The following PLCL2 variants were observed in gnomAD, a reference collection of about 807,000 sequenced individuals.
The protein encoded by PLCL2 is inactive phospholipase C-like protein 2.
A neutral mutation model predicts 79.6 loss-of-function variants in PLCL2; 4 were observed. That is an observed-to-expected ratio of 0.05 (90% CI 0.02 to 0.11). The LOEUF (loss-of-function observed/expected upper bound fraction) is 0.11, where lower values mean the gene tolerates loss of function less well. Among genes scored for constraint, PLCL2 ranks in the 10% least tolerant of loss-of-function variants. The probability of loss-of-function intolerance (pLI) is 1.00; values close to 1 mark genes in which losing one functional copy is unlikely to be tolerated. For synonymous variants in PLCL2, 484 were observed against 457.7 expected (o/e 1.06, Z -0.73); for missense variants, 895 against 1,291.0 (o/e 0.69, Z 4.70).
At chr3:16,948,454 A>T (rs116472909) in intron 1 of PLCL2, among the ~76,000 whole-genome samples, 3,180 of 152,186 alleles carry the variant, frequency 0.021, 55 homozygotes, top group South Asian at 0.044. Context: ...TATGGTGATG[A>T]TTGCAGAACT....
intron 3 of PLCL2, among the ~76,000 whole-genome samples, chr3:17,033,064 A>G (rs2064602186): frequency 6.6e-6 from 1 of 152,212 alleles, no homozygotes; most frequent in African/African-American, 2.4e-5. Context: ...TCTGAAATGT[A>G]GTACATAAGA....
chr3:17,036,931 C>T (rs1309313956), intron 3 of PLCL2, among the ~76,000 whole-genome samples: 1 of 152,114 alleles, frequency 6.6e-6, no homozygotes, highest in East Asian at 1.9e-4. Flanking sequence ...TTATAAGGAC[C>T]TTAATCCCAT....
intron 5 of PLCL2, among the ~76,000 whole-genome samples, chr3:17,080,452 ATTC>A (rs940053575): frequency 3.9e-5 from 6 of 152,074 alleles, no homozygotes; most frequent in Admixed American, 2.0e-4. Flanking sequence ...CAATCCATTC[ATTC>A]TTCTTTTTTT....
At chr3:16,931,868 C>G (rs988003996) in intron 1 of PLCL2, among the ~76,000 whole-genome samples, 1 of 152,116 alleles carries the variant, frequency 6.6e-6, no homozygotes, top group East Asian at 1.9e-4. Context: ...AAAATTCATA[C>G]ATTGAGATAC....
At chr3:17,082,593 T>C (rs1275142341) in intron 5 of PLCL2, among the ~76,000 whole-genome samples, 1 of 152,152 alleles carries the variant, frequency 6.6e-6, no homozygotes, top group Non-Finnish European at 1.5e-5. Flanking sequence ...GCCTTGGTAA[T>C]GTCCAAAGGC....
rs143814820 is a variant in PLCL2 at position 16,905,280 on chromosome 3, A to G, written c.327+19914A>G. On this transcript the variant is annotated intron_variant, in intron 1 of 5. Transcript: ENST00000615277. ...ATTTTCACACTTCTTTACACATGCT[A>G]TCCTAGCCTGGCAGAGTGGTCTGTG... Among the ~76,000 whole-genome samples the G allele has an allele frequency of 1.7e-3, 252 of 152,230 alleles. 2 individuals are homozygous for G. Among genetic ancestry groups the G allele is most frequent in the African/African-American group, 5.8e-3 (243 of 41,540 alleles).
chr3:16,998,555 C>G (rs1199990299), intron 1 of PLCL2, among the ~76,000 whole-genome samples: 2 of 152,172 alleles, frequency 1.3e-5, no homozygotes, highest in East Asian at 3.8e-4. Context: ...ATTATTTTCA[C>G]TAGAATCTAA....
intron 1 of PLCL2, among the ~76,000 whole-genome samples, chr3:16,935,089 T>C (rs1321993721): frequency 6.6e-6 from 1 of 152,224 alleles, no homozygotes; most frequent in Non-Finnish European, 1.5e-5. Flanking sequence ...TCGCTTTGAA[T>C]TGACACCAAT....
intron 3 of PLCL2, among the ~76,000 whole-genome samples, chr3:17,022,800 C>T (rs756106130): frequency 1.3e-5 from 2 of 152,190 alleles, no homozygotes; most frequent in Non-Finnish European, 2.9e-5. Flanking sequence ...AAGCTTCATA[C>T]TCATCCCAGG....
intron 1 of PLCL2, among the ~76,000 whole-genome samples, chr3:16,999,250 T>A (rs1200284142): frequency 6.6e-6 from 1 of 152,176 alleles, no homozygotes; most frequent in Non-Finnish European, 1.5e-5. Context: ...TCCTAGTATA[T>A]CTTGGGCATC....
intron 1 of PLCL2, among the ~76,000 whole-genome samples, chr3:17,004,777 G>GT (rs144653393): frequency 0.018 from 2,663 of 152,030 alleles, 93 homozygotes; most frequent in African/African-American, 0.061. Context: ...TCTTTCTTGG[G>GT]TTTTTTTGTT....
chr3:17,006,386 G>A (rs542704709), intron 1 of PLCL2, among the ~76,000 whole-genome samples: 1 of 152,324 alleles, frequency 6.6e-6, no homozygotes, highest in East Asian at 1.9e-4. Flanking sequence ...TGCTGACTGT[G>A]GAAGACCATT....
intron 3 of PLCL2, among the ~76,000 whole-genome samples, chr3:17,037,913 TATATA>T (rs1358809379): frequency 4.6e-5 from 7 of 152,052 alleles, no homozygotes; most frequent in African/African-American, 1.2e-4. Flanking sequence ...AATCTAGTAA[TATATA>T]ATATATTTAT....
At chr3:17,051,583 A>G (rs1489672493) in intron 4 of PLCL2, among the ~76,000 whole-genome samples, 3 of 152,186 alleles carry the variant, frequency 2.0e-5, no homozygotes, top group Non-Finnish European at 2.9e-5. Context: ...TAAGGAAGAG[A>G]AGCAAACAGC....
chr3:16,971,329 C>T (rs1285862945), intron 1 of PLCL2, among the ~76,000 whole-genome samples: 1 of 152,092 alleles, frequency 6.6e-6, no homozygotes, highest in African/African-American at 2.4e-5. Flanking sequence ...AATCCTTTCC[C>T]CATTGCTTGT....
At chr3:16,974,053 A>G (rs1559504250) in intron 1 of PLCL2, among the ~76,000 whole-genome samples, 1 of 152,194 alleles carries the variant, frequency 6.6e-6, no homozygotes, top group Non-Finnish European at 1.5e-5. Context: ...ATTCTAGGCA[A>G]CTAGAACAGA....
intron 1 of PLCL2, among the ~76,000 whole-genome samples, chr3:16,940,810 G>A (rs1697661921): frequency 6.6e-6 from 1 of 152,152 alleles, no homozygotes. Flanking sequence ...GATCAAATGT[G>A]ATGAGTATGT....
intron 5 of PLCL2, among the ~76,000 whole-genome samples, chr3:17,080,353 T>C (rs2065150345): frequency 6.6e-6 from 1 of 152,118 alleles, no homozygotes; most frequent in Non-Finnish European, 1.5e-5. Context: ...TGTGCCACGA[T>C]CTCAGCCAGC....
chr3:16,905,880 G>C (rs1397391653), intron 1 of PLCL2, among the ~76,000 whole-genome samples: 1 of 152,300 alleles, frequency 6.6e-6, no homozygotes, highest in Non-Finnish European at 1.5e-5. Flanking sequence ...CCTGAAAATG[G>C]AGTAGGTGTT....
Sources: gnomAD v4.1 joint callset for allele counts (sites outside exome capture counted in the v4.1 genomes callset) on GRCh38, gnomAD v4.1.1 for gene constraint, MANE v1.5 for transcripts, NCBI Gene and HGNC (gene_info 2026-07-23, HGNC 2026-07-21) for gene names.